GDI2: variants seen among roughly 807,000 people sequenced by gnomAD.
GDI2 encodes GDP dissociation inhibitor 2, also known as rab GDP dissociation inhibitor beta.
In GDI2, 22 loss-of-function variants were observed where a neutral mutation model predicts 54.2. That is an observed-to-expected ratio of 0.41 (90% CI 0.29 to 0.58). GDI2 has a LOEUF of 0.58. GDI2 is among the 20% of genes least tolerant of loss of function. The probability of loss-of-function intolerance (pLI) is 0.35; values close to 1 mark genes in which losing one functional copy is unlikely to be tolerated. For synonymous variants in GDI2, 177 were observed against 182.1 expected, an observed-to-expected ratio of 0.97 and a Z score of 0.23; for missense variants, 422 against 546.0, an observed-to-expected ratio of 0.77 and a Z score of 2.26.
chr10:5,803,002 C>T (rs1187244652), intron 1 of GDI2, among the ~76,000 whole-genome samples: 4 of 152,170 alleles, frequency 2.6e-5, no homozygotes, highest in Non-Finnish European at 4.4e-5. Flanking sequence ...ATTACTCCTC[C>T]CTTTTCCAAT....
intron 6 of GDI2, among the ~76,000 whole-genome samples, chr10:5,781,608 C>T (rs1252672392): frequency 1.5e-5 from 2 of 135,162 alleles, no homozygotes; most frequent in Non-Finnish European, 3.1e-5. Context: ...CTGGGCAAAA[C>T]ACCCAGACTC....
intron 1 of GDI2, among the ~76,000 whole-genome samples, chr10:5,812,751 G>C (rs1256840885): frequency 6.6e-6 from 1 of 152,222 alleles, no homozygotes; most frequent in African/African-American, 2.4e-5. Context: ...CCCCGTACTC[G>C]GCTTTGGCAG....
intron 6 of GDI2, among the ~76,000 whole-genome samples, chr10:5,784,617 GCTCC>G (rs1473546135): frequency 1.3e-5 from 2 of 152,252 alleles, no homozygotes; most frequent in Admixed American, 1.3e-4. Context: ...CCACAGGGAT[GCTCC>G]CTTGATGTGG....
Position 5,794,974 on chromosome 10 carries a change from AG to A in GDI2, c.298del (p.Leu100TrpfsTer5). 1 of 1,595,932 alleles carries A rather than the reference AG, an allele frequency of 6.3e-7. No individual in the cohort carries two copies. The highest frequency in any genetic ancestry group is 8.6e-7 in the Non-Finnish European group (1 of 1,163,434). On this transcript the variant is annotated frameshift_variant, in exon 4 of 11. Coordinates refer to ENST00000380191, the MANE Select transcript of GDI2 (RefSeq NM_001494.4). LOFTEE classifies it high-confidence loss of function. ...GCTCCCTTCAGTCACTTTAAAATCC[AG>A]ATAGCGAGTTACCTCTGTATAAAGC... ...MLLYTEVTRY[L>X]DFKVTEGSFV...
At chr10:5,783,099 G>A (rs1465721462) in intron 6 of GDI2, among the ~76,000 whole-genome samples, 1 of 152,188 alleles carries the variant, frequency 6.6e-6, no homozygotes, top group Non-Finnish European at 1.5e-5. Flanking sequence ...GGGATGGGGG[G>A]CAGTATTCAT....
intron 1 of GDI2, among the ~76,000 whole-genome samples, chr10:5,811,576 G>T (rs945159242): frequency 2.0e-5 from 3 of 150,736 alleles, no homozygotes; most frequent in African/African-American, 7.3e-5. Flanking sequence ...CTTAAAACAC[G>T]CTGGCAGCAA....
At chr10:5,800,168 T>A (rs1376509889) in intron 2 of GDI2, among the ~76,000 whole-genome samples, 1 of 151,864 alleles carries the variant, frequency 6.6e-6, no homozygotes, top group Non-Finnish European at 1.5e-5. Flanking sequence ...TCAAAAAAAG[T>A]AGGAAACAAG....
intron 6 of GDI2, among the ~76,000 whole-genome samples, chr10:5,783,741 ATAACT>A (rs1433867696): frequency 1.3e-5 from 2 of 152,200 alleles, no homozygotes; most frequent in East Asian, 3.8e-4. Flanking sequence ...TTACTGGCTG[ATAACT>A]TAAGGAGGCT....
chr10:5,784,472 G>A (rs1007839989), intron 6 of GDI2, among the ~76,000 whole-genome samples: 15 of 152,164 alleles, frequency 9.9e-5, no homozygotes, highest in Admixed American at 9.8e-4. Flanking sequence ...GTAAGCTAGT[G>A]TGACCTTTTC....
intron 4 of GDI2, among the ~76,000 whole-genome samples, chr10:5,789,761 CACAA>C (rs776607298): frequency 1.3e-5 from 2 of 152,156 alleles, no homozygotes; most frequent in Non-Finnish European, 1.5e-5. Context: ...AACTTAGGCA[CACAA>C]ACACAGACCA....
At chr10:5,786,695 AAG>A (rs1840888998) in intron 4 of GDI2, among the ~76,000 whole-genome samples, 1 of 141,310 alleles carries the variant, frequency 7.1e-6, no homozygotes, top group Non-Finnish European at 1.6e-5. Flanking sequence ...CACCCATCTG[AAG>A]AGTCTCCCTT....
chr10:5,798,006 GATAC>G (rs1432516631), intron 2 of GDI2, among the ~76,000 whole-genome samples: 1 of 152,166 alleles, frequency 6.6e-6, no homozygotes, highest in Non-Finnish European at 1.5e-5. Flanking sequence ...AGGTATAACT[GATAC>G]ATAAAGAACT....
In GDI2 at chr10:5,772,044, G is replaced by A. The variant is rs187511744; in HGVS notation, c.819+1798C>T. 3.1e-3 allele frequency among the ~76,000 whole-genome samples: 467 copies of A among 151,948 alleles called. 4 individuals carry two copies. Among genetic ancestry groups the A allele is most frequent in the Non-Finnish European group, 4.9e-4 (33 of 67,958 alleles). Reference sequence around the variant, plus strand: ...GGCAGAAGTTGCAGTAACCAAGATCGTGCCACTGCACTCCAGCCTGGTGAC... The same window carrying A: ...GGCAGAAGTTGCAGTAACCAAGATCATGCCACTGCACTCCAGCCTGGTGAC... On this transcript the variant is annotated intron_variant, in intron 7 of 10. Coordinates refer to ENST00000380191, the MANE Select transcript of GDI2 (RefSeq NM_001494.4).
Position 5,776,917 on chromosome 10 carries a change from C to G in GDI2, c.720-2976G>C. The G allele has an allele frequency of 1.4e-6, 1 of 714,490 alleles. No individual in the cohort carries two copies. Among genetic ancestry groups the G allele is most frequent in the Non-Finnish European group, 2.2e-6 (1 of 446,782 alleles). The allele number at this position is 714,490 out of a possible 1,614,324, so 44.3% of individuals were successfully genotyped here. On this transcript the variant is annotated intron_variant, in intron 6 of 10. Coordinates refer to ENST00000380191, the MANE Select transcript of GDI2 (RefSeq NM_001494.4). This position sits in a 1 kb window ranked among gnomAD's most constrained non-coding sequence, Gnocchi z 5.3. ...GGAAATAATGCGAAAACAGTTAATC[C>G]AGCAAAAAAATTAAAAGGGAAAACC...
chr10:5,779,875 T>C (rs1840712851), intron 6 of GDI2, among the ~76,000 whole-genome samples: 1 of 152,000 alleles, frequency 6.6e-6, no homozygotes, highest in African/African-American at 2.4e-5. Context: ...TGTGTTTTTC[T>C]AGAGACAGGG....
chr10:5,777,501 T>C, intron 6 of GDI2, among the ~76,000 whole-genome samples: 1 of 152,060 alleles, frequency 6.6e-6, no homozygotes, highest in East Asian at 1.9e-4. Flanking sequence ...AAAGAAAACA[T>C]TTATGCAGCC....
In GDI2 at chr10:5,812,385, G is replaced by C. The variant is rs190210796; in HGVS notation, c.45+829C>G. ...TCATGTTATTATCTTCCAACTCCCT[G>C]AAGAAAGCTTCGGAGTACAGAGAAC... On this transcript the variant is annotated intron_variant, in intron 1 of 10. Coordinates refer to ENST00000380191, the MANE Select transcript of GDI2 (RefSeq NM_001494.4). 6.2e-4 allele frequency among the ~76,000 whole-genome samples: 95 copies of C among 152,234 alleles called. 3 individuals carry two copies. In the South Asian group the frequency reaches 0.019, roughly 30 times the overall value.
At chr10:5,798,326 G>A (rs149618930) in intron 2 of GDI2, among the ~76,000 whole-genome samples, 4 of 152,324 alleles carry the variant, frequency 2.6e-5, no homozygotes, top group East Asian at 3.9e-4. Flanking sequence ...GGTGGCTCAT[G>A]CCTGTAATTC....
chr10:5,770,944 C>T (rs1251238929), intron 7 of GDI2, among the ~76,000 whole-genome samples: 3 of 84,188 alleles, frequency 3.6e-5, no homozygotes, highest in South Asian at 4.1e-4. Flanking sequence ...CCAGCCTGGG[C>T]AACAAAGTGA....
Sources: allele counts gnomAD v4.1 joint callset (sites outside exome capture counted in the v4.1 genomes callset), GRCh38; gene constraint gnomAD v4.1.1; non-coding constraint Gnocchi (gnomAD v3.1); transcripts MANE v1.5; gene names NCBI Gene and HGNC (gene_info 2026-07-23, HGNC 2026-07-21).